Variants in SLC13A5 observed in about 807,000 individuals in gnomAD.
SLC13A5 encodes Na(+)/citrate cotransporter.
In SLC13A5, 25 loss-of-function variants were observed where a neutral mutation model predicts 56.5. That is an observed-to-expected ratio of 0.44 (90% CI 0.32 to 0.62). SLC13A5 has a LOEUF of 0.62. Among genes scored for constraint, SLC13A5 ranks in the 20% least tolerant of loss-of-function variants. The pLI, the probability that SLC13A5 is intolerant of heterozygous loss-of-function variation, is 0.04. For missense variants in SLC13A5, 649 were observed against 737.8 expected (o/e 0.88, Z 1.39); for synonymous variants, 307 against 301.5 (o/e 1.02, Z -0.19).
In SLC13A5 at chr17:6,711,847, A is replaced by T. The variant is rs1974048656; in HGVS notation, c.102+1385T>A. ...TCTCCTGCCTGGCTACTTCCCCTGG[A>T]CAATAACAACCCCAGACTTCTTGCT... On this transcript the variant is annotated intron_variant, in intron 1 of 11. Coordinates refer to ENST00000433363, the MANE Select transcript of SLC13A5 (RefSeq NM_177550.5). This position sits in a 1 kb window ranked among gnomAD's most constrained non-coding sequence, Gnocchi z 4.0. Among the ~76,000 whole-genome samples the T allele has an allele frequency of 6.6e-6, 1 of 152,048 alleles. No individual in the cohort carries two copies. The highest frequency in any genetic ancestry group is 2.4e-5 in the African/African-American group (1 of 41,418).
intron 1 of SLC13A5, 44 bp from the exon 2 acceptor site, chr17:6,707,200 C>T (rs993492730): frequency 1.9e-6 from 3 of 1,608,456 alleles, no homozygotes; most frequent in Non-Finnish European, 2.5e-6. Flanking sequence ...CCGCCTCCCT[C>T]TCCCCACCCC....
intron 6 of SLC13A5, among the ~76,000 whole-genome samples, chr17:6,699,595 C>G (rs1475646608): frequency 6.6e-6 from 1 of 152,152 alleles, no homozygotes; most frequent in South Asian, 2.1e-4. Context: ...CTCAGCCTCC[C>G]AAGTAGCTGG....
chr17:6,707,243 G>A (rs1973896053), intron 1 of SLC13A5, 87 bp from the exon 2 acceptor site: 2 of 1,530,418 alleles, frequency 1.3e-6, no homozygotes, highest in Admixed American at 3.6e-5. Context: ...GGCATGGATT[G>A]TCAAGACACA....
chr17:6,701,534 AC>A lies in SLC13A5; in HGVS notation c.717-409del, dbSNP rs1003107407. On this transcript the variant is annotated intron_variant, in intron 5 of 11. Transcript: ENST00000433363. This position sits in a 1 kb window ranked among gnomAD's most constrained non-coding sequence, Gnocchi z 4.1. ...AGACTGGCCTGGCCAACATGGTGAA[AC>A]CCCGTCTCCACTAAAAATACAAAAA... Among the ~76,000 whole-genome samples the A allele has an allele frequency of 6.6e-6, 1 of 152,042 alleles. No homozygotes were observed.
intron 1 of SLC13A5, among the ~76,000 whole-genome samples, chr17:6,710,790 G>C (rs1159602138): frequency 6.6e-6 from 1 of 151,050 alleles, no homozygotes; most frequent in Non-Finnish European, 1.5e-5. Flanking sequence ...GTGTGTGTCT[G>C]GGAAGAGAGA....
At chr17:6,697,558 G>A (rs1973594030) in intron 6 of SLC13A5, among the ~76,000 whole-genome samples, 1 of 152,240 alleles carries the variant, frequency 6.6e-6, no homozygotes, top group African/African-American at 2.4e-5. Context: ...TCAGGGTCAG[G>A]GGTGGGGACC....
At position 6,695,803 on chromosome 17, in the gene SLC13A5, C is replaced by G; in HGVS notation, c.978G>C (p.Leu326=). The G allele has an allele frequency of 6.2e-7, 1 of 1,614,182 alleles. No homozygotes were observed. The highest frequency in any genetic ancestry group is 1.6e-4 in the Middle Eastern group (1 of 6,062). ...GGTCTCGGGAGAACCACAGGATGAC[C>G]AGCAGGAAGAAGCAGATCAGCACGT... ...EINVLICFFL[L]VILWFSRDPG... is the part of the protein sequence containing the mutation. The change falls in exon 7 of 12, where the codon CTG becomes CTC. Residue 326 remains leucine, a synonymous_variant. Transcript: ENST00000433363.
chr17:6,702,180 G>A (rs2151493033), intron 5 of SLC13A5, among the ~76,000 whole-genome samples: 1 of 152,232 alleles, frequency 6.6e-6, no homozygotes, highest in East Asian at 1.9e-4. Context: ...CCAGGCTCCT[G>A]TCTGCAAAGG....
Position 6,687,513 on chromosome 17 carries a change from A to C in SLC13A5, c.1575+16T>G, listed in dbSNP as rs1973280259. 3 of 1,613,270 alleles carry C rather than the reference A, an allele frequency of 1.9e-6. No individual in the cohort carries two copies. Among genetic ancestry groups the C allele is most frequent in the Non-Finnish European group, 2.5e-6 (3 of 1,179,794 alleles). The stretch of plus-strand genomic sequence containing the variant: ...CGTTATAGTCCGACGGGAGTAAATA[A>C]AAACAGCTGTGTTACCATGTCAGCA... On this transcript the variant is annotated intron_variant, in intron 11 of 11. Coordinates refer to ENST00000433363, the MANE Select transcript of SLC13A5 (RefSeq NM_177550.5). The surrounding 1 kb of genome is among the most constrained non-coding windows in gnomAD (Gnocchi z 5.0).
Position 6,701,012 on chromosome 17 carries a change from C to T in SLC13A5, c.831G>A (p.Met277Ile), listed in dbSNP as rs1973697429. 6.8e-6 allele frequency: 11 copies of T among 1,614,168 alleles called. No homozygotes were observed. The highest frequency in any genetic ancestry group is 9.3e-6 in the Non-Finnish European group (11 of 1,180,038). The change falls in exon 6 of 12, where the codon ATG (methionine) becomes ATA (isoleucine). Residue 277 changes from methionine (M) to isoleucine (I), a missense_variant. Coordinates refer to ENST00000433363, the MANE Select transcript of SLC13A5 (RefSeq NM_177550.5). The surrounding 1 kb of genome is among the most constrained non-coding windows in gnomAD (Gnocchi z 4.1). ...GAGCAGCTCAAACTTACTTGAATCT[C>T]ATGTAAACAAACTGGAGCCACAGCC... ...FAWLWLQFVY[M>I]RFNFKKSWGC...
intron 7 of SLC13A5, 132 bp downstream of exon 7, chr17:6,695,594 T>A: frequency 1.2e-6 from 1 of 804,942 alleles, no homozygotes; most frequent in Non-Finnish European, 2.0e-6. Context: ...TTTCACCATG[T>A]TGGCCAGGAT....
intron 4 of SLC13A5, 52 bp downstream of exon 4, chr17:6,703,826 G>A: frequency 6.7e-7 from 1 of 1,484,550 alleles, no homozygotes; most frequent in Non-Finnish European, 8.9e-7. Context: ...TGCCAGCAGA[G>A]GGAGGGGAAG....
rs218689 is a variant in SLC13A5 at position 6,686,031 on chromosome 17, A to T, written c.*176T>A. 0.19 allele frequency: 167,266 copies of T among 862,352 alleles called. 18,844 individuals are homozygous for T. The highest frequency in any genetic ancestry group is 0.46 in the African/African-American group (27,105 of 59,286). The allele number at this position is 862,352 out of a possible 1,614,324, so 53.4% of individuals were successfully genotyped here. On this transcript the variant is annotated 3_prime_UTR_variant, in exon 12 of 12. Transcript: ENST00000433363. ...TGAGCCTACCCTCCAGCTGCCCATGACCATCTCTGCATCTGGGCTTGGAGG... is the reference window on the plus strand; with the variant it reads ...TGAGCCTACCCTCCAGCTGCCCATGTCCATCTCTGCATCTGGGCTTGGAGG...
chr17:6,693,666 T>C (rs1357238364), intron 8 of SLC13A5: 1 of 158,728 alleles, frequency 6.3e-6, no homozygotes, highest in East Asian at 1.9e-4. Flanking sequence ...ACTGTAGCAA[T>C]AGTGGGAAAT....
At chr17:6,689,524 G>A (rs1973338628) in intron 10 of SLC13A5, 1 of 152,374 alleles carries the variant, frequency 6.6e-6, no homozygotes, top group East Asian at 1.9e-4. Flanking sequence ...GGTGCTCCCA[G>A]TTAGGGCTGG....
At chr17:6,708,158 C>T (rs779460905) in intron 1 of SLC13A5, among the ~76,000 whole-genome samples, 13 of 152,186 alleles carry the variant, frequency 8.5e-5, no homozygotes, top group African/African-American at 2.4e-4. Context: ...TTAGTAGAGA[C>T]GGGGTTTTGC....
chr17:6,701,916 G>A lies in SLC13A5; in HGVS notation c.717-790C>T, dbSNP rs1368451844. Among the ~76,000 whole-genome samples, 1 of 152,080 alleles carries A rather than the reference G, an allele frequency of 6.6e-6. No individual in the cohort carries two copies. Among genetic ancestry groups the A allele is most frequent in the Non-Finnish European group, 1.5e-5 (1 of 68,000 alleles). ...ACCACAGGCCCCGCCTCCCATCCCC[G>A]GGGCTCTGCTAGCCCCAGGGGCGCC... is the stretch of plus-strand genomic sequence containing the variant. On this transcript the variant is annotated intron_variant, in intron 5 of 11. Transcript: ENST00000433363. This position sits in a 1 kb window ranked among gnomAD's most constrained non-coding sequence, Gnocchi z 4.1.
At chr17:6,694,233 G>A (rs1225024071) in intron 7 of SLC13A5, 36 bp from the exon 8 acceptor site, 7 of 1,299,356 alleles carry the variant, frequency 5.4e-6, no homozygotes, top group Non-Finnish European at 7.8e-6. Context: ...CTGCGACAGA[G>A]ACAGTCACTC....
rs1432094039 is a variant in SLC13A5 at position 6,692,445 on chromosome 17, G to A, written c.1275+599C>T. Among the ~76,000 whole-genome samples, 1 of 152,224 alleles carries A rather than the reference G, an allele frequency of 6.6e-6. No individual in the cohort carries two copies. Among genetic ancestry groups the A allele is most frequent in the East Asian group, 1.9e-4 (1 of 5,202 alleles). On this transcript the variant is annotated intron_variant, in intron 9 of 11. Transcript: ENST00000433363. The surrounding 1 kb of genome is among the most constrained non-coding windows in gnomAD (Gnocchi z 5.5). ...AAACAGCAATAACTAGACCAAGTCT[G>A]TCTATTACACTCCTGGATACTTGGG...
Sources: allele counts gnomAD v4.1 joint callset (sites outside exome capture counted in the v4.1 genomes callset), GRCh38; gene constraint gnomAD v4.1.1; non-coding constraint Gnocchi (gnomAD v3.1); transcripts MANE v1.5; gene names NCBI Gene and HGNC (gene_info 2026-07-23, HGNC 2026-07-21).